Variants in NFIB observed in about 807,000 individuals in gnomAD.
The protein encoded by NFIB is nuclear factor I B.
A neutral mutation model predicts 61.5 loss-of-function variants in NFIB; 11 were observed. The observed-to-expected ratio is 0.18, with a 90% confidence interval of 0.11 to 0.30. NFIB has a LOEUF of 0.30. Ranked by LOEUF, NFIB falls within the 10% of genes least tolerant of loss-of-function variation. The probability of loss-of-function intolerance (pLI) is 1.00; values close to 1 mark genes in which losing one functional copy is unlikely to be tolerated. For synonymous variants in NFIB, 260 were observed against 216.5 expected (o/e 1.20, Z -1.76); for missense variants, 471 against 608.9 (o/e 0.77, Z 2.38).
Position 14,088,047 on chromosome 9 carries a change from G to T in NFIB, c.*262C>A. The T allele has an allele frequency of 4.8e-6, 3 of 625,444 alleles. No individual in the cohort carries two copies. The highest frequency in any genetic ancestry group is 1.9e-5 in the African/African-American group (1 of 53,382). 38.7% of individuals were successfully genotyped at this position (625,444 alleles called of 1,614,324 possible). A position where few individuals can be genotyped will look rare whatever the true frequency, so the allele number is the denominator to read the frequency against. ...CAGTTTCAACCTTAAGGGAATTAGT[G>T]ATTGTAAGTGCTGCAATTGCTGGTC... On this transcript the variant is annotated 3_prime_UTR_variant, in exon 11 of 11. Transcript: ENST00000380953.
chr9:14,292,822 A>G (rs938338708), intron 2 of NFIB, among the ~76,000 whole-genome samples: 2 of 152,190 alleles, frequency 1.3e-5, no homozygotes, highest in South Asian at 4.1e-4. Context: ...TTTTTAATGT[A>G]AAGACCTTAT....
chr9:14,464,991 G>C, the NFIB span, among the ~76,000 whole-genome samples: 183 of 152,250 alleles, frequency 1.2e-3, 1 homozygote, highest in African/African-American at 4.3e-3. Flanking sequence ...GTGCCATGAT[G>C]ACAGGCTACA....
chr9:14,369,518 G>A (rs1182453456), intron 1 of NFIB, among the ~76,000 whole-genome samples: 1 of 151,808 alleles, frequency 6.6e-6, no homozygotes, highest in Non-Finnish European at 1.5e-5. Flanking sequence ...TCTTCAGAAG[G>A]TGCTTCAGCT....
the NFIB span, among the ~76,000 whole-genome samples, chr9:14,430,425 G>A: frequency 3.3e-5 from 5 of 152,190 alleles, no homozygotes; most frequent in African/African-American, 7.2e-5. Flanking sequence ...TGAATAAACG[G>A]ATCCAGGGAA....
chr9:14,182,164 T>C (rs1476499827), intron 2 of NFIB, among the ~76,000 whole-genome samples: 1 of 152,162 alleles, frequency 6.6e-6, no homozygotes, highest in Non-Finnish European at 1.5e-5. Flanking sequence ...ACTTCTTCGA[T>C]TGAAAAAATA....
At chr9:14,181,242 T>A (rs2046737512) in intron 2 of NFIB, among the ~76,000 whole-genome samples, 1 of 152,212 alleles carries the variant, frequency 6.6e-6, no homozygotes, top group African/African-American at 2.4e-5. Context: ...ATTTCCTTAA[T>A]TGTCTTTTTG....
intron 2 of NFIB, among the ~76,000 whole-genome samples, chr9:14,219,381 TAAAAAAAAAAAAA>T (rs751279935): frequency 1.4e-5 from 1 of 73,504 alleles, no homozygotes; most frequent in South Asian, 6.5e-4. Context: ...AGCACTAGGG[TAAAAAAAAAAAAA>T]AAAAAAAAAA....
At chr9:14,479,093 G>GA in the NFIB span, among the ~76,000 whole-genome samples, 2 of 152,250 alleles carry the variant, frequency 1.3e-5, no homozygotes, top group Admixed American at 6.5e-5. Flanking sequence ...ACATGACAGG[G>GA]AAAAAATATT....
At chr9:14,104,173 A>G (rs1265043705) in intron 10 of NFIB, among the ~76,000 whole-genome samples, 2 of 152,018 alleles carry the variant, frequency 1.3e-5, no homozygotes, top group Non-Finnish European at 2.9e-5. Context: ...TCAGCCTCCT[A>G]AAGTGCTGGG....
At chr9:14,183,800 T>C (rs1217020636) in intron 2 of NFIB, among the ~76,000 whole-genome samples, 1 of 152,138 alleles carries the variant, frequency 6.6e-6, no homozygotes, top group Non-Finnish European at 1.5e-5. Flanking sequence ...CTTCCACCTC[T>C]CATTTTATCT....
At chr9:14,206,923 T>C (rs1259498976) in intron 2 of NFIB, among the ~76,000 whole-genome samples, 4 of 152,162 alleles carry the variant, frequency 2.6e-5, no homozygotes, top group Non-Finnish European at 5.9e-5. Flanking sequence ...GGCTAAATGG[T>C]GATTAGCTGT....
At chr9:14,242,661 C>A (rs1228296538) in intron 2 of NFIB, among the ~76,000 whole-genome samples, 1 of 152,194 alleles carries the variant, frequency 6.6e-6, no homozygotes, top group African/African-American at 2.4e-5. Flanking sequence ...ATTATTTATA[C>A]TTCTGTACCA....
intron 1 of NFIB, among the ~76,000 whole-genome samples, chr9:14,346,955 G>A (rs1195669521): frequency 1.3e-5 from 2 of 151,990 alleles, no homozygotes; most frequent in African/African-American, 4.8e-5. Context: ...GTGAGGCCGA[G>A]CTCCCGCACG....
chr9:14,280,428 C>T (rs552780332), intron 2 of NFIB, among the ~76,000 whole-genome samples: 1 of 152,248 alleles, frequency 6.6e-6, no homozygotes. Flanking sequence ...TAAATGTTGC[C>T]TTACCAAGGA....
intron 1 of NFIB, among the ~76,000 whole-genome samples, chr9:14,346,293 C>CT (rs973168736): frequency 5.1e-5 from 7 of 136,392 alleles, no homozygotes; most frequent in Non-Finnish European, 1.2e-4. Context: ...AACCGACACC[C>CT]CCCCCCCGTA....
chr9:14,412,209 G>C, the NFIB span, among the ~76,000 whole-genome samples: 1 of 152,136 alleles, frequency 6.6e-6, no homozygotes, highest in Non-Finnish European at 1.5e-5. Context: ...ACTTACATAT[G>C]GTCTTAGATT....
chr9:14,187,899 C>A lies in NFIB; in HGVS notation c.563-8119G>T, dbSNP rs563701709. ...GCACAAAAAGTGTTAAACCTGCCAA[C>A]ATCTCTGACCAGAGGGCTGTGGTAC... On this transcript the variant is annotated intron_variant, in intron 2 of 10. Coordinates refer to ENST00000380953, the MANE Select transcript of NFIB (RefSeq NM_001190737.2). Among the ~76,000 whole-genome samples, 3 of 152,304 alleles carry A rather than the reference C, an allele frequency of 2.0e-5. No individual in the cohort carries two copies. The South Asian group carries it at 6.2e-4, about 32-fold the overall frequency.
the NFIB span, among the ~76,000 whole-genome samples, chr9:14,449,079 C>G: frequency 0.063 from 9,604 of 152,062 alleles, 342 homozygotes; most frequent in East Asian, 0.1. Flanking sequence ...AAATTTGATG[C>G]AATTTGATGC....
At chr9:14,522,107 T>C in the NFIB span, among the ~76,000 whole-genome samples, 1 of 152,200 alleles carries the variant, frequency 6.6e-6, no homozygotes. Flanking sequence ...GCTGATTGAT[T>C]GATTTTTTAA....
Sources: gnomAD v4.1 joint callset for allele counts (sites outside exome capture counted in the v4.1 genomes callset) on GRCh38, gnomAD v4.1.1 for gene constraint, MANE v1.5 for transcripts, NCBI Gene and HGNC (gene_info 2026-07-23, HGNC 2026-07-21) for gene names.